Variants in MEIS1 observed in about 807,000 individuals in gnomAD.
The protein encoded by MEIS1 is homeobox protein Meis1.
Under a neutral mutation model 50.8 loss-of-function variants are expected in MEIS1, and 5 were observed. The observed-to-expected ratio is 0.10, with a 90% CI of 0.05 to 0.21. The LOEUF is 0.21. Ranked by LOEUF, MEIS1 falls within the 10% of genes least tolerant of loss-of-function variation. The probability of loss-of-function intolerance (pLI) is 1.00; values close to 1 mark genes in which losing one functional copy is unlikely to be tolerated. For missense variants in MEIS1, 318 were observed against 517.3 expected (o/e 0.61, Z 3.74); for synonymous variants, 176 against 179.3 (o/e 0.98, Z 0.15).
intron 7 of MEIS1, among the ~76,000 whole-genome samples, chr2:66,471,792 T>C (rs910437365): frequency 6.6e-6 from 1 of 152,222 alleles, no homozygotes; most frequent in Non-Finnish European, 1.5e-5. Context: ...TTTTCAGTGA[T>C]AGTGGAATAT....
chr2:66,508,566 C>T (rs1673742737), intron 7 of MEIS1, among the ~76,000 whole-genome samples: 1 of 152,220 alleles, frequency 6.6e-6, no homozygotes, highest in African/African-American at 2.4e-5. Context: ...GTGTGCGCAG[C>T]CCCGGCCGCT....
Position 66,440,458 on chromosome 2 carries a change from C to G in MEIS1, c.382-104C>G, listed in dbSNP as rs115175372. 613 of 977,898 alleles carry G rather than the reference C, an allele frequency of 6.3e-4. 1 individual carries two copies. In the African/African-American group the frequency reaches 8.9e-3, roughly 14 times the overall value. The allele number at this position is 977,898 out of a possible 1,614,324, so 60.6% of individuals were successfully genotyped here. ...CTCCCGGAGGGTTACTTCCTGCCCCCGACAGTGTAATGAGGCAAGAAACTA... is the reference window on the plus strand; with the variant it reads ...CTCCCGGAGGGTTACTTCCTGCCCCGGACAGTGTAATGAGGCAAGAAACTA... On this transcript the variant is annotated intron_variant, in intron 3 of 12. Coordinates refer to ENST00000272369, the MANE Select transcript of MEIS1 (RefSeq NM_002398.3).
At chr2:66,501,431 T>C (rs1409885075) in intron 7 of MEIS1, among the ~76,000 whole-genome samples, 2 of 152,038 alleles carry the variant, frequency 1.3e-5, no homozygotes. Context: ...TTTGCAGGGA[T>C]TTTTTCAGGG....
chr2:66,486,967 T>A (rs1673158491), intron 7 of MEIS1, among the ~76,000 whole-genome samples: 1 of 152,246 alleles, frequency 6.6e-6, no homozygotes, highest in Admixed American at 6.5e-5. Flanking sequence ...TTTGCTGAAG[T>A]TGCTTATCAG....
intron 6 of MEIS1, among the ~76,000 whole-genome samples, chr2:66,455,433 T>C (rs369136966): frequency 2.0e-5 from 3 of 152,254 alleles, no homozygotes; most frequent in African/African-American, 7.2e-5. Context: ...GTATCAGTGC[T>C]GTCTTGATTT....
chr2:66,563,438 A>C (rs1675266909), intron 9 of MEIS1, among the ~76,000 whole-genome samples: 1 of 152,228 alleles, frequency 6.6e-6, no homozygotes, highest in South Asian at 2.1e-4. Context: ...AGACACACAC[A>C]CATACATATA....
Position 66,437,728 on chromosome 2 carries a change from G to A in MEIS1, c.13-9G>A. 3 of 1,613,462 alleles carry A rather than the reference G, an allele frequency of 1.9e-6. No homozygotes were observed. The highest frequency in any genetic ancestry group is 2.5e-6 in the Non-Finnish European group (3 of 1,179,574). On this transcript the variant is annotated splice_polypyrimidine_tract_variant and intron_variant, in intron 1 of 12. Coordinates refer to ENST00000272369, the MANE Select transcript of MEIS1 (RefSeq NM_002398.3). ...CCTGAACCTTCTTTCTCTCCTGTTT[G>A]TCATGCAGTACGACGATCTACCCCA...
At chr2:66,490,632 G>GT (rs376376421) in intron 7 of MEIS1, among the ~76,000 whole-genome samples, 56 of 152,146 alleles carry the variant, frequency 3.7e-4, no homozygotes, top group African/African-American at 7.5e-4. Flanking sequence ...CCATGCATAG[G>GT]TTTTTTCCCC....
chr2:66,446,394 A>G (rs1008773351), intron 6 of MEIS1, among the ~76,000 whole-genome samples: 7 of 151,934 alleles, frequency 4.6e-5, no homozygotes, highest in Non-Finnish European at 7.4e-5. Flanking sequence ...ACGCGTTGGG[A>G]GAGAGGGGAG....
chr2:66,482,826 A>G lies in MEIS1; in HGVS notation c.742+18606A>G, dbSNP rs1572844093. ...TTAGGAGTTACCTGCTGTCTCATTC[A>G]ATATTCCTGATGCCATCTAGTGATA... On this transcript the variant is annotated intron_variant, in intron 7 of 12. Coordinates refer to ENST00000272369, the MANE Select transcript of MEIS1 (RefSeq NM_002398.3). 2.0e-5 allele frequency among the ~76,000 whole-genome samples: 3 copies of G among 152,302 alleles called. No homozygotes were observed. In the South Asian group the frequency reaches 6.2e-4, roughly 32 times the overall value.
At chr2:66,512,792 T>C (rs1358809691) in intron 8 of MEIS1, among the ~76,000 whole-genome samples, 3 of 152,214 alleles carry the variant, frequency 2.0e-5, no homozygotes, top group African/African-American at 4.8e-5. Context: ...AAAACATTCA[T>C]GTAAGTCAGA....
intron 8 of MEIS1, among the ~76,000 whole-genome samples, chr2:66,540,919 A>G (rs1483462169): frequency 6.6e-6 from 1 of 152,156 alleles, no homozygotes; most frequent in African/African-American, 2.4e-5. Context: ...TTCTTAATAT[A>G]AGTATCTGAC....
intron 8 of MEIS1, among the ~76,000 whole-genome samples, chr2:66,526,239 C>T (rs1441750119): frequency 6.6e-6 from 1 of 152,224 alleles, no homozygotes; most frequent in African/African-American, 2.4e-5. Context: ...TTCTCTCACT[C>T]ATTAGAGTTC....
At chr2:66,513,331 T>C (rs1239908769) in intron 8 of MEIS1, among the ~76,000 whole-genome samples, 2 of 152,132 alleles carry the variant, frequency 1.3e-5, no homozygotes, top group African/African-American at 4.8e-5. Context: ...TAAAGTCAAT[T>C]TTTCCTTAAA....
intron 6 of MEIS1, among the ~76,000 whole-genome samples, chr2:66,449,717 G>A (rs193080688): frequency 1.0e-3 from 155 of 152,256 alleles, no homozygotes; most frequent in Non-Finnish European, 1.9e-3. Context: ...GCATTCAAGT[G>A]CACAGAATTA....
intron 6 of MEIS1, among the ~76,000 whole-genome samples, chr2:66,451,084 T>TA (rs1672266831): frequency 1.3e-5 from 2 of 152,142 alleles, no homozygotes; most frequent in South Asian, 4.2e-4. Flanking sequence ...CAGGAATGAA[T>TA]AGAGGCCAAA....
rs546796946 is a variant in MEIS1, at chr2:66,464,823, G to A, written c.742+603G>A. Among the ~76,000 whole-genome samples, 73 of 152,312 alleles carry A rather than the reference G, an allele frequency of 4.8e-4. 1 individual carries two copies. In the East Asian group the frequency reaches 5.2e-3, roughly 11 times the overall value. ...TGAATGCACATACCTATGTGTATGTGAGTGTCCATGGATTATGCATGTTTG... is the reference window on the plus strand; with the variant it reads ...TGAATGCACATACCTATGTGTATGTAAGTGTCCATGGATTATGCATGTTTG... On this transcript the variant is annotated intron_variant, in intron 7 of 12. Coordinates refer to ENST00000272369, the MANE Select transcript of MEIS1 (RefSeq NM_002398.3).
chr2:66,461,936 T>G (rs1672530277), intron 6 of MEIS1: 1 of 456,184 alleles, frequency 2.2e-6, no homozygotes, highest in Non-Finnish European at 4.5e-6. Flanking sequence ...GCTGAAGATT[T>G]AAGAACCTTA....
At chr2:66,542,259 A>G (rs1250683186) in intron 8 of MEIS1, among the ~76,000 whole-genome samples, 2 of 152,214 alleles carry the variant, frequency 1.3e-5, no homozygotes, top group African/African-American at 4.8e-5. Context: ...ACAGAGATCT[A>G]ATAGTTAAAA....
Sources: gnomAD v4.1 joint callset for allele counts (sites outside exome capture counted in the v4.1 genomes callset) on GRCh38, gnomAD v4.1.1 for gene constraint, MANE v1.5 for transcripts, NCBI Gene and HGNC (gene_info 2026-07-23, HGNC 2026-07-21) for gene names.